Variants in PCDHA3 observed in about 807,000 individuals in gnomAD.
PCDHA3 encodes the protein protocadherin alpha-3.
PCDHA3 carries 41 observed loss-of-function variants against 62.2 expected under a neutral mutation model. The ratio of observed to expected loss-of-function variants is 0.66; its 90% CI spans 0.51 to 0.86. PCDHA3 has a LOEUF of 0.86. Ranked by LOEUF, PCDHA3 falls within the 40% of genes least tolerant of loss-of-function variation. The pLI is 0.00. For missense variants in PCDHA3, 1,304 were observed against 1,241.2 expected, an observed-to-expected ratio of 1.05 and a Z score of -0.76; for synonymous variants, 640 against 555.4, an observed-to-expected ratio of 1.15 and a Z score of -2.14.
Position 141,011,938 on chromosome 5 carries a change from T to TA in PCDHA3, c.*2008dup, listed in dbSNP as rs1489019865. 2.6e-5 allele frequency: 4 copies of TA among 153,644 alleles called. No individual in the cohort carries two copies. The highest frequency in any genetic ancestry group is 6.5e-5 in the Admixed American group (1 of 15,278). The allele number at this position is 153,644 out of a possible 1,614,324, so 9.5% of individuals were successfully genotyped here. A position where few individuals can be genotyped will look rare whatever the true frequency, so the allele number is the denominator to read the frequency against. ...ATAAAAGAGGTAGGAGTCTGTTATT[T>TA]AAAAAAAGCATTAAATTTAAAAAAA... On this transcript the variant is annotated 3_prime_UTR_variant, in exon 4 of 4. Transcript: ENST00000522353.
In PCDHA3 at chr5:140,912,343, A is replaced by T. The variant is rs547543923; in HGVS notation, c.2395-66606A>T. Among the ~76,000 whole-genome samples, 324 of 143,902 alleles carry T rather than the reference A, an allele frequency of 2.3e-3. 1 individual carries two copies. The highest frequency in any genetic ancestry group is 7.8e-3 in the African/African-American group (308 of 39,358). 94.4% of individuals were successfully genotyped at this position (143,902 alleles called of 152,430 possible). A position where few individuals can be genotyped will look rare whatever the true frequency, so the allele number is the denominator to read the frequency against. On this transcript the variant is annotated intron_variant, in intron 1 of 3. Transcript: ENST00000522353. ...CTCAGTATTAACCAGTACACTAAGT[A>T]TTTTTTTTTTTTTTTGCAGCTGTTG... is the stretch of plus-strand genomic sequence containing the variant.
rs2150380151 is a variant in PCDHA3 at position 140,845,602 on chromosome 5, T to C, written c.2394+42011T>C. Among the ~76,000 whole-genome samples, 10 of 149,646 alleles carry C rather than the reference T, an allele frequency of 6.7e-5. 1 individual carries two copies. Among genetic ancestry groups the C allele is most frequent in the African/African-American group, 2.4e-4 (10 of 40,860 alleles). On this transcript the variant is annotated intron_variant, in intron 1 of 3. Coordinates refer to ENST00000522353, the MANE Select transcript of PCDHA3 (RefSeq NM_018906.3). ...TTGAAATGTGTCAGAAGTTAGTTATTAAGTATTGTGGATTCTGAAGCTCTC... is the reference window on the plus strand; with the variant it reads ...TTGAAATGTGTCAGAAGTTAGTTATCAAGTATTGTGGATTCTGAAGCTCTC...
At chr5:140,832,869 C>T (rs1354245484) in intron 1 of PCDHA3, among the ~76,000 whole-genome samples, 1 of 152,030 alleles carries the variant, frequency 6.6e-6, no homozygotes, top group Non-Finnish European at 1.5e-5. Flanking sequence ...TGATGTTTTA[C>T]TGGTTATAAA....
At chr5:140,915,770 A>G (rs1215607027) in intron 1 of PCDHA3, among the ~76,000 whole-genome samples, 4 of 151,908 alleles carry the variant, frequency 2.6e-5, no homozygotes, top group African/African-American at 4.8e-5. Context: ...GTCTTGTCCA[A>G]GGCCTGCTGT....
At chr5:140,888,956 G>T (rs1043287613) in intron 1 of PCDHA3, among the ~76,000 whole-genome samples, 2 of 151,722 alleles carry the variant, frequency 1.3e-5, no homozygotes, top group Non-Finnish European at 2.9e-5. Flanking sequence ...TTTTTCTTTG[G>T]CAATGTTAAT....
chr5:140,882,605 C>T (rs1554174797), intron 1 of PCDHA3: 2 of 1,614,120 alleles, frequency 1.2e-6, no homozygotes, highest in Non-Finnish European at 1.7e-6. Context: ...CGTGGACAGG[C>T]CTCTGCAGGT....
intron 3 of PCDHA3, among the ~76,000 whole-genome samples, chr5:140,998,057 A>G (rs2097795221): frequency 1.3e-5 from 2 of 152,294 alleles, no homozygotes; most frequent in South Asian, 4.1e-4. Flanking sequence ...TGACATCATC[A>G]TCAACAGACT....
At chr5:140,885,070 T>C (rs1253345040) in intron 1 of PCDHA3, among the ~76,000 whole-genome samples, 1 of 152,232 alleles carries the variant, frequency 6.6e-6, no homozygotes, top group African/African-American at 2.4e-5. Flanking sequence ...CAAGATATTA[T>C]TTTAAAGAGC....
chr5:140,896,260 G>A (rs1304707341), intron 1 of PCDHA3, among the ~76,000 whole-genome samples: 1 of 152,230 alleles, frequency 6.6e-6, no homozygotes, highest in African/African-American at 2.4e-5. Context: ...TATGTACACA[G>A]TTATGGGATT....
rs2150364854 is a variant in PCDHA3, at chr5:140,843,675, T to C, written c.2394+40084T>C. ...CCTCCTGATCTGGGATCAGTTGATGTAGGCGAAGAGCAAGATTTAAATGTT... is the reference window on the plus strand; with the variant it reads ...CCTCCTGATCTGGGATCAGTTGATGCAGGCGAAGAGCAAGATTTAAATGTT... On this transcript the variant is annotated intron_variant, in intron 1 of 3. Transcript: ENST00000522353. 4.1e-5 allele frequency: 65 copies of C among 1,591,382 alleles called. 8 individuals are homozygous for C. The highest frequency in any genetic ancestry group is 5.5e-5 in the Non-Finnish European group (64 of 1,161,214).
In PCDHA3 at chr5:140,882,301, G is replaced by A. The variant is rs145574763; in HGVS notation, c.2394+78710G>A. 188 of 1,613,800 alleles carry A rather than the reference G, an allele frequency of 1.2e-4. No homozygotes were observed. In the African/African-American group the frequency reaches 2.1e-3, roughly 18 times the overall value. Reference sequence around the variant, plus strand: ...CTTCCTGGCAAGGAGGCCCAAGACCGCGGCAACTACTGCTCTGGCTTCTGA... The same window carrying A: ...CTTCCTGGCAAGGAGGCCCAAGACCACGGCAACTACTGCTCTGGCTTCTGA... On this transcript the variant is annotated intron_variant, in intron 1 of 3. Coordinates refer to ENST00000522353, the MANE Select transcript of PCDHA3 (RefSeq NM_018906.3).
rs371283858 is a variant in PCDHA3 at position 140,808,405 on chromosome 5, G to C, written c.2394+4814G>C. ...TGTCCACCTTCAAGAATTACTACTC[G>C]TTGGTGCTGGACAGTGCCCTGGACC... On this transcript the variant is annotated intron_variant, in intron 1 of 3. Coordinates refer to ENST00000522353, the MANE Select transcript of PCDHA3 (RefSeq NM_018906.3). The C allele has an allele frequency of 5.0e-6, 8 of 1,614,044 alleles. No individual in the cohort carries two copies. In the African/African-American group the frequency reaches 6.7e-5, roughly 13 times the overall value.
At chr5:140,931,440 AT>A (rs2153608083) in intron 1 of PCDHA3, among the ~76,000 whole-genome samples, 1 of 141,482 alleles carries the variant, frequency 7.1e-6, no homozygotes, top group South Asian at 2.3e-4. Flanking sequence ...AAAATTAGCT[AT>A]TTAAAAGGAA....
chr5:140,927,342 T>TGAC (rs1554204398), intron 1 of PCDHA3: 2 of 1,614,160 alleles, frequency 1.2e-6, no homozygotes, highest in Admixed American at 3.3e-5. Flanking sequence ...ATGCCCAAGA[T>TGAC]GACGACGAGG....
chr5:140,837,989 C>T (rs1167865074), intron 1 of PCDHA3, among the ~76,000 whole-genome samples: 3 of 151,358 alleles, frequency 2.0e-5, no homozygotes, highest in Non-Finnish European at 4.4e-5. Context: ...TGCCTTTCAT[C>T]TTTCCTTTTT....
At chr5:140,838,648 A>G (rs1026164992) in intron 1 of PCDHA3, among the ~76,000 whole-genome samples, 1 of 152,158 alleles carries the variant, frequency 6.6e-6, no homozygotes, top group East Asian at 1.9e-4. Context: ...CAAAAAAATG[A>G]TAGTTAACGG....
At chr5:140,825,100 A>G (rs2150072551) in intron 1 of PCDHA3, 1 of 151,878 alleles carries the variant, frequency 6.6e-6, no homozygotes, top group South Asian at 2.1e-4. Flanking sequence ...GATTTTTTTC[A>G]TATACAAATA....
chr5:140,827,867 C>G (rs1298214398), intron 1 of PCDHA3: 3 of 615,732 alleles, frequency 4.9e-6, no homozygotes, highest in Non-Finnish European at 8.5e-6. Flanking sequence ...TATGGTATAG[C>G]ACTGTTACGT....
At chr5:140,917,519 T>C (rs1554198226) in intron 1 of PCDHA3, among the ~76,000 whole-genome samples, 1 of 152,256 alleles carries the variant, frequency 6.6e-6, no homozygotes, top group East Asian at 1.9e-4. Context: ...GGTTTTATTC[T>C]ACGGTTTGTA....
Sources: allele counts gnomAD v4.1 joint callset (sites outside exome capture counted in the v4.1 genomes callset), GRCh38; gene constraint gnomAD v4.1.1; transcripts MANE v1.5; gene names NCBI Gene and HGNC (gene_info 2026-07-23, HGNC 2026-07-21).